Variants in SH2B2 observed in about 807,000 individuals in gnomAD.
SH2B2 encodes SH2B adaptor protein 2.
In SH2B2, 37 loss-of-function variants were observed where a neutral mutation model predicts 35.7. The ratio of observed to expected loss-of-function variants is 1.04; its 90% CI spans 0.80 to 1.36. The LOEUF (loss-of-function observed/expected upper bound fraction) is 1.36. SH2B2 is among the 40% of genes most tolerant of loss of function. The pLI is 0.00. For synonymous variants in SH2B2, 383 were observed against 376.4 expected (o/e 1.02, Z -0.20); for missense variants, 852 against 817.7 (o/e 1.04, Z -0.51).
At chr7:102,316,706 C>T (rs573699878) in intron 6 of SH2B2, among the ~76,000 whole-genome samples, 17 of 151,876 alleles carry the variant, frequency 1.1e-4, no homozygotes, top group African/African-American at 4.1e-4. Flanking sequence ...GGGAACACAG[C>T]AAGACTCCAT....
intron 1 of SH2B2, among the ~76,000 whole-genome samples, chr7:102,294,002 G>C (rs1481883330): frequency 7.2e-5 from 11 of 152,084 alleles, no homozygotes; most frequent in Admixed American, 2.0e-4. Flanking sequence ...GCAGTATAGG[G>C]AAGTTTTCCT....
chr7:102,315,376 G>A (rs1269993428), intron 6 of SH2B2, among the ~76,000 whole-genome samples: 2 of 151,748 alleles, frequency 1.3e-5, no homozygotes, highest in African/African-American at 2.4e-5. Flanking sequence ...TGTTGCCCAC[G>A]CTGGAGTGCA....
chr7:102,320,929 G>A (rs1264380653), intron 8 of SH2B2, among the ~76,000 whole-genome samples: 1 of 152,178 alleles, frequency 6.6e-6, no homozygotes, highest in African/African-American at 2.4e-5. Context: ...GTGTGCATGA[G>A]TGTATGTGTG....
At position 102,300,775 on chromosome 7, in the gene SH2B2, G is replaced by A. The variant is rs781864685; in HGVS notation, c.225G>A (p.Glu75=). Residue 75 remains glutamate (E), a synonymous_variant, in exon 2 of 9, where the codon GAG becomes GAA. Transcript: ENST00000444095. ...FAANFLDVFG[E]EVRRVLVAGP... ...CCAACTTCCTGGACGTCTTCGGCGA[G>A]GAGGTGCGCCGCGTGCTGGTGGCTG... The A allele has an allele frequency of 6.5e-7, 1 of 1,528,276 alleles. No individual in the cohort carries two copies. Among genetic ancestry groups the A allele is most frequent in the Admixed American group, 2.0e-5 (1 of 49,078 alleles). 94.7% of individuals were successfully genotyped at this position (1,528,276 alleles called of 1,614,324 possible).
chr7:102,286,393 C>G (rs1049899101), upstream of SH2B2, among the ~76,000 whole-genome samples: 1 of 152,232 alleles, frequency 6.6e-6, no homozygotes, highest in Non-Finnish European at 1.5e-5. Flanking sequence ...CTGGCCACAG[C>G]GGCGGCTCCC....
chr7:102,294,226 C>T (rs561827223), intron 1 of SH2B2, among the ~76,000 whole-genome samples: 50 of 152,226 alleles, frequency 3.3e-4, no homozygotes, highest in African/African-American at 1.1e-3. Context: ...CGGGGTTTCA[C>T]CATGTTGCCC....
intron 2 of SH2B2, among the ~76,000 whole-genome samples, chr7:102,304,406 C>T (rs373461381): frequency 1.3e-5 from 2 of 152,172 alleles, no homozygotes; most frequent in South Asian, 2.1e-4. Context: ...ACAATGAGGC[C>T]GGCCCCCCGC....
At chr7:102,294,083 T>G (rs1251939239) in intron 1 of SH2B2, among the ~76,000 whole-genome samples, 2 of 152,178 alleles carry the variant, frequency 1.3e-5, no homozygotes, top group Non-Finnish European at 2.9e-5. Flanking sequence ...CAGGCTGGAG[T>G]GCAGTCGTGC....
intron 4 of SH2B2, among the ~76,000 whole-genome samples, chr7:102,314,114 A>G (rs1793726901): frequency 6.6e-6 from 1 of 152,100 alleles, no homozygotes; most frequent in African/African-American, 2.4e-5. Context: ...GTTTTGCGGT[A>G]TTGTTTTCTG....
chr7:102,309,675 A>C lies in SH2B2; in HGVS notation c.923+769A>C, dbSNP rs1554555680. 1.7e-5 allele frequency: 3 copies of C among 172,204 alleles called. No homozygotes were observed. The South Asian group carries it at 3.2e-4, about 18-fold the overall frequency. 10.7% of individuals were successfully genotyped at this position (172,204 alleles called of 1,614,324 possible). ...TGTGCCCAGCCAACCCTGTCTCTTA[A>C]AATAAAAAAAAATAGAGAGAGCTGG... On this transcript the variant is annotated intron_variant, in intron 4 of 8. Transcript: ENST00000444095.
chr7:102,306,245 C>T (rs1725594605), intron 2 of SH2B2, among the ~76,000 whole-genome samples: 1 of 152,154 alleles, frequency 6.6e-6, no homozygotes, highest in Admixed American at 6.5e-5. Flanking sequence ...CACCACCACG[C>T]CTGGCTAATT....
At position 102,301,079 on chromosome 7, in the gene SH2B2, C is replaced by T. The variant is rs1793162414; in HGVS notation, c.529C>T (p.Arg177Trp). The part of the protein sequence containing the change: ...RTAEPRDKWT[R>W]RLRLSRTLAA... ...CGCCGAGCCCCGCGACAAGTGGACG[C>T]GGCGCCTGAGGCTGTCGCGGACGCT... The change falls in exon 2 of 9, where the codon CGG (arginine) becomes TGG (tryptophan). Residue 177 changes from arginine to tryptophan, a missense_variant. By Grantham distance (101) the Arg-to-Trp change is moderately radical (BLOSUM62 -3). Around this residue, in one of 3 missense-constraint regions of SH2B2, gnomAD observed 294 missense variants for 286.6 expected, o/e 1.03. Transcript: ENST00000444095. 2 of 1,400,602 alleles carry T rather than the reference C, an allele frequency of 1.4e-6. No individual in the cohort carries two copies. Among genetic ancestry groups the T allele is most frequent in the East Asian group, 6.0e-5 (2 of 33,318 alleles). 86.8% of individuals were successfully genotyped at this position (1,400,602 alleles called of 1,614,324 possible).
intron 1 of SH2B2, among the ~76,000 whole-genome samples, chr7:102,294,069 T>C (rs1480856133): frequency 6.6e-6 from 1 of 152,182 alleles, no homozygotes; most frequent in Non-Finnish European, 1.5e-5. Context: ...CTCGCTCTGT[T>C]GCCCAGGCTG....
chr7:102,285,367 C>G (rs572401824), upstream of SH2B2: 5 of 772,530 alleles, frequency 6.5e-6, no homozygotes, highest in East Asian at 5.3e-5. Context: ...CCCTCCTCCC[C>G]CTTCCCGGCC....
At chr7:102,291,583 G>A (rs545100471) in intron 1 of SH2B2, among the ~76,000 whole-genome samples, 69 of 143,988 alleles carry the variant, frequency 4.8e-4, no homozygotes, top group African/African-American at 2.0e-3. Flanking sequence ...CAAGGGTTAA[G>A]TTAAGACCAG....
rs528801623 is a variant in SH2B2 at position 102,308,835 on chromosome 7, C to T, written c.852C>T (p.Tyr284=). The change falls in exon 4 of 9, where the codon TAC becomes TAT. Residue 284 remains tyrosine, a synonymous_variant. Transcript: ENST00000444095. ...CCCAGGTAGAGAATGGAGCCGAATA[C>T]ATCTTGGAGACCATCGACTCTCTGC... ...FVLKVENGAE[Y]ILETIDSLQK... 2.9e-5 allele frequency: 46 copies of T among 1,613,716 alleles called. No homozygotes were observed. Among genetic ancestry groups the T allele is most frequent in the Non-Finnish European group, 3.8e-5 (45 of 1,179,838 alleles).
intron 4 of SH2B2, among the ~76,000 whole-genome samples, chr7:102,312,372 C>T (rs984483271): frequency 6.6e-6 from 1 of 152,046 alleles, no homozygotes; most frequent in Admixed American, 6.6e-5. Context: ...GAGACTCTGT[C>T]TCAAAAAAAG....
At position 102,317,270 on chromosome 7, in the gene SH2B2, C is replaced by A; in HGVS notation, c.1270C>A (p.Arg424=). 1.2e-6 allele frequency: 2 copies of A among 1,613,626 alleles called. No homozygotes were observed. The highest frequency in any genetic ancestry group is 1.3e-5 in the African/African-American group (1 of 75,050). The change falls in exon 7 of 9, where the codon CGG becomes AGG. Residue 424 remains arginine, a synonymous_variant. Coordinates refer to ENST00000444095, the MANE Select transcript of SH2B2 (RefSeq NM_001359228.2). ...DYPWFHGTLS[R]VKAAQLVLAG... ...CCCATGGTTCCACGGGACACTGTCC[C>A]GGGTCAAGGCTGCTCAACTGGTTCT...
Position 102,300,960 on chromosome 7 carries a change from T to G in SH2B2, c.410T>G (p.Leu137Arg). ...GCCCGCGTTCGCAAGGGCTTCTCGCTGCGCAACATGAGCCTGTGCGTGGTG... is the reference window on the plus strand; with the variant it reads ...GCCCGCGTTCGCAAGGGCTTCTCGCGGCGCAACATGAGCCTGTGCGTGGTG... The part of the protein sequence containing the change: ...TKARVRKGFS[L>R]RNMSLCVVDG... The change falls in exon 2 of 9, where the codon CTG (leucine) becomes CGG (arginine). Residue 137 changes from leucine to arginine, a missense_variant. By Grantham distance (102) the Leu-to-Arg change is moderately radical. Around this residue, in one of 3 missense-constraint regions of SH2B2, gnomAD observed 294 missense variants for 286.6 expected, o/e 1.03. Transcript: ENST00000444095. 1 of 1,486,952 alleles carries G rather than the reference T, an allele frequency of 6.7e-7. No homozygotes were observed. The highest frequency in any genetic ancestry group is 8.9e-7 in the Non-Finnish European group (1 of 1,120,932). 92.1% of individuals were successfully genotyped at this position (1,486,952 alleles called of 1,614,324 possible).
Sources: allele counts gnomAD v4.1 joint callset (sites outside exome capture counted in the v4.1 genomes callset), GRCh38; gene constraint gnomAD v4.1.1; regional missense constraint gnomAD v4.1.1; transcripts MANE v1.5; gene names NCBI Gene and HGNC (gene_info 2026-07-23, HGNC 2026-07-21).